TMEM132C: variants seen among roughly 807,000 people sequenced by gnomAD.
The protein encoded by TMEM132C is protein phosphatase 1, regulatory subunit 152.
Under a neutral mutation model 61.4 loss-of-function variants are expected in TMEM132C, and 29 were observed. That is an observed-to-expected ratio of 0.47 (90% CI 0.35 to 0.64). The LOEUF is 0.64. Ranked by LOEUF, TMEM132C falls within the 30% of genes least tolerant of loss-of-function variation. TMEM132C has a pLI of 0.00. For missense variants in TMEM132C, 1,408 were observed against 1,476.9 expected, an observed-to-expected ratio of 0.95 and a Z score of 0.76; for synonymous variants, 656 against 633.1, an observed-to-expected ratio of 1.04 and a Z score of -0.54.
At chr12:128,518,616 A>G (rs1872796851) in intron 2 of TMEM132C, among the ~76,000 whole-genome samples, 1 of 152,230 alleles carries the variant, frequency 6.6e-6, no homozygotes, top group South Asian at 2.1e-4. Context: ...TACCTTTTGT[A>G]AATTTTTAAA....
intron 2 of TMEM132C, among the ~76,000 whole-genome samples, chr12:128,511,565 G>A (rs1347323611): frequency 6.6e-6 from 1 of 152,206 alleles, no homozygotes; most frequent in East Asian, 1.9e-4. Context: ...GGGCTTCTGG[G>A]TGTCTTGCCC....
At chr12:128,369,489 G>C (rs2135980055) in intron 1 of TMEM132C, among the ~76,000 whole-genome samples, 1 of 152,300 alleles carries the variant, frequency 6.6e-6, no homozygotes, top group East Asian at 1.9e-4. Context: ...TGCATATCTT[G>C]TTTTGGTGAT....
At chr12:128,271,122 C>T (rs1332269305) in intron 1 of TMEM132C, among the ~76,000 whole-genome samples, 5 of 151,748 alleles carry the variant, frequency 3.3e-5, no homozygotes, top group South Asian at 2.1e-4. Flanking sequence ...GGCGTGGTGG[C>T]GGGGGCCTCT....
intron 2 of TMEM132C, among the ~76,000 whole-genome samples, chr12:128,516,147 A>G (rs1303672228): frequency 1.3e-5 from 2 of 152,176 alleles, no homozygotes; most frequent in African/African-American, 2.4e-5. Flanking sequence ...TTTTCACTGG[A>G]TTTAAAAAAT....
At chr12:128,554,283 T>A (rs1593098206) in intron 3 of TMEM132C, among the ~76,000 whole-genome samples, 1 of 151,874 alleles carries the variant, frequency 6.6e-6, no homozygotes, top group South Asian at 2.1e-4. Flanking sequence ...AGGAAGCGGG[T>A]GGAATGACCA....
intron 5 of TMEM132C, among the ~76,000 whole-genome samples, chr12:128,690,380 A>T (rs1320851903): frequency 6.6e-6 from 1 of 152,162 alleles, no homozygotes; most frequent in Admixed American, 6.5e-5. Flanking sequence ...ACTGCTGGCC[A>T]CTTAGGAGAT....
chr12:128,523,477 C>T (rs567226722), intron 2 of TMEM132C, among the ~76,000 whole-genome samples: 34 of 152,056 alleles, frequency 2.2e-4, no homozygotes, highest in Non-Finnish European at 4.0e-4. Context: ...TCTCTTTGAG[C>T]TGAAAAAATC....
At chr12:128,276,607 C>G (rs984755038) in intron 1 of TMEM132C, among the ~76,000 whole-genome samples, 1 of 152,160 alleles carries the variant, frequency 6.6e-6, no homozygotes, top group Non-Finnish European at 1.5e-5. Flanking sequence ...CCATTTCTCT[C>G]TTAGGTTAAT....
intron 1 of TMEM132C, among the ~76,000 whole-genome samples, chr12:128,377,323 G>T (rs1874224222): frequency 6.6e-6 from 1 of 152,178 alleles, no homozygotes. Flanking sequence ...AAAGGGTTGG[G>T]ATTATAGGCA....
chr12:128,386,160 G>C (rs1021045552), intron 1 of TMEM132C, among the ~76,000 whole-genome samples: 3 of 152,192 alleles, frequency 2.0e-5, no homozygotes, highest in African/African-American at 7.2e-5. Context: ...CCACTCCTTA[G>C]CCAGATGTGT....
chr12:128,484,736 T>G (rs569088359), intron 2 of TMEM132C, among the ~76,000 whole-genome samples: 11 of 152,210 alleles, frequency 7.2e-5, no homozygotes, highest in Admixed American at 2.0e-4. Flanking sequence ...GCGGGAAGAT[T>G]GCTTGAGCCC....
intron 4 of TMEM132C, among the ~76,000 whole-genome samples, chr12:128,653,408 CAATA>C (rs1165276433): frequency 6.6e-6 from 1 of 152,162 alleles, no homozygotes; most frequent in African/African-American, 2.4e-5. Flanking sequence ...AACTAAATCT[CAATA>C]AAGCTATTTT....
At chr12:128,661,280 C>T (rs557652816) in intron 4 of TMEM132C, among the ~76,000 whole-genome samples, 1 of 152,176 alleles carries the variant, frequency 6.6e-6, no homozygotes, top group South Asian at 2.1e-4. Context: ...GGATAACTTC[C>T]TTTATAAATA....
At chr12:128,548,674 C>A (rs1484095822) in intron 3 of TMEM132C, among the ~76,000 whole-genome samples, 2 of 152,150 alleles carry the variant, frequency 1.3e-5, no homozygotes, top group Admixed American at 6.5e-5. Context: ...CATAAAAAAA[C>A]CACCCAAATC....
At chr12:128,548,688 G>A (rs1175319316) in intron 3 of TMEM132C, among the ~76,000 whole-genome samples, 1 of 152,158 alleles carries the variant, frequency 6.6e-6, no homozygotes, top group Non-Finnish European at 1.5e-5. Flanking sequence ...CCAAATCTCA[G>A]TGATTTACAA....
intron 2 of TMEM132C, among the ~76,000 whole-genome samples, chr12:128,485,617 G>A (rs1052855547): frequency 6.6e-6 from 1 of 151,960 alleles, no homozygotes; most frequent in African/African-American, 2.4e-5. Flanking sequence ...AGTAGGTGGA[G>A]GCCAGGATAC....
intron 2 of TMEM132C, among the ~76,000 whole-genome samples, chr12:128,532,071 T>C (rs1356938480): frequency 6.6e-6 from 1 of 152,228 alleles, no homozygotes; most frequent in Non-Finnish European, 1.5e-5. Flanking sequence ...GCTGCATCTA[T>C]GAAAGGAAAA....
chr12:128,565,940 A>G (rs1874683398), intron 3 of TMEM132C, among the ~76,000 whole-genome samples: 1 of 152,034 alleles, frequency 6.6e-6, no homozygotes, highest in Non-Finnish European at 1.5e-5. Flanking sequence ...CCCAGGCTGG[A>G]GTACAATGGT....
chr12:128,541,725 G>A (rs1248278419), intron 2 of TMEM132C, among the ~76,000 whole-genome samples: 2 of 152,306 alleles, frequency 1.3e-5, no homozygotes, highest in Admixed American at 6.5e-5. Context: ...CCCCTCAACT[G>A]CACTTGCTGA....
Sources: allele counts gnomAD v4.1 joint callset (sites outside exome capture counted in the v4.1 genomes callset), GRCh38; gene constraint gnomAD v4.1.1; transcripts MANE v1.5; gene names NCBI Gene and HGNC (gene_info 2026-07-23, HGNC 2026-07-21).